The following PPP3CA variants were observed in gnomAD, a reference collection of about 807,000 sequenced individuals.
PPP3CA encodes the protein protein phosphatase 3 catalytic subunit alpha, also known as CAM-PRP catalytic subunit.
A neutral mutation model predicts 66.5 loss-of-function variants in PPP3CA; 14 were observed. The observed-to-expected ratio is 0.21, with a 90% confidence interval of 0.14 to 0.33. The LOEUF (loss-of-function observed/expected upper bound fraction) is 0.33. PPP3CA is among the 10% of genes least tolerant of loss of function. The pLI is 1.00. For missense variants in PPP3CA, 317 were observed against 639.5 expected (o/e 0.50, Z 5.44); for synonymous variants, 232 against 226.2 (o/e 1.03, Z -0.23).
intron 10 of PPP3CA, among the ~76,000 whole-genome samples, chr4:101,056,038 G>A (rs971060946): frequency 6.6e-6 from 1 of 151,958 alleles, no homozygotes; most frequent in Non-Finnish European, 1.5e-5. Flanking sequence ...CACACTGAAT[G>A]AACAAGATTT....
intron 1 of PPP3CA, among the ~76,000 whole-genome samples, chr4:101,247,550 G>A (rs13115754): frequency 3.4e-4 from 52 of 152,030 alleles, no homozygotes; most frequent in Non-Finnish European, 5.9e-5. Context: ...ACTAAACACA[G>A]TATGAGCATC....
chr4:101,289,201 A>T (rs1727942114), intron 1 of PPP3CA, among the ~76,000 whole-genome samples: 1 of 152,228 alleles, frequency 6.6e-6, no homozygotes, highest in Non-Finnish European at 1.5e-5. Context: ...TTTGCATTTT[A>T]TTTTGCACAT....
At chr4:101,277,530 T>C (rs1727540999) in intron 1 of PPP3CA, among the ~76,000 whole-genome samples, 1 of 152,232 alleles carries the variant, frequency 6.6e-6, no homozygotes. Context: ...TAATATAGTA[T>C]GCAAAAGTTT....
intron 2 of PPP3CA, among the ~76,000 whole-genome samples, chr4:101,112,199 AT>A (rs1412007586): frequency 6.6e-6 from 1 of 152,162 alleles, no homozygotes; most frequent in Non-Finnish European, 1.5e-5. Context: ...TGAAAAAAAA[AT>A]GTCTCTAGAC....
At chr4:101,178,417 A>C (rs900154228) in intron 2 of PPP3CA, among the ~76,000 whole-genome samples, 3 of 152,160 alleles carry the variant, frequency 2.0e-5, no homozygotes, top group African/African-American at 4.8e-5. Flanking sequence ...GCTCCAAAAA[A>C]GACTTACCTT....
At chr4:101,084,335 T>A (rs1194825650) in intron 6 of PPP3CA, among the ~76,000 whole-genome samples, 1 of 152,042 alleles carries the variant, frequency 6.6e-6, no homozygotes. Flanking sequence ...CAGGAAAAAA[T>A]TATCATTAAG....
intron 1 of PPP3CA, among the ~76,000 whole-genome samples, chr4:101,230,570 A>G (rs1725929075): frequency 6.6e-6 from 1 of 151,588 alleles, no homozygotes; most frequent in Non-Finnish European, 1.5e-5. Flanking sequence ...TAAATAAAAT[A>G]AAAAATGAAT....
chr4:101,181,628 T>C (rs1724238299), intron 2 of PPP3CA, among the ~76,000 whole-genome samples: 1 of 152,054 alleles, frequency 6.6e-6, no homozygotes, highest in Non-Finnish European at 1.5e-5. Flanking sequence ...CCACTATACT[T>C]TGCAGCCAGA....
chr4:101,293,648 G>C (rs1728101907), intron 1 of PPP3CA, among the ~76,000 whole-genome samples: 1 of 152,160 alleles, frequency 6.6e-6, no homozygotes, highest in Admixed American at 6.5e-5. Context: ...TTCCCCACCT[G>C]CATGTCTTCT....
chr4:101,154,808 A>ATTTT lies in PPP3CA; in HGVS notation c.259+41104_259+41107dup, dbSNP rs779695561. ...GCTTCAGAACACATTCACTCCCAGAATTTTTTTTTTTTTTTTTTTTTTTTT... is the reference window on the plus strand; with the variant it reads ...GCTTCAGAACACATTCACTCCCAGAATTTTTTTTTTTTTTTTTTTTTTTTTTTTT... On this transcript the variant is annotated intron_variant, in intron 2 of 13. Coordinates refer to ENST00000394854, the MANE Select transcript of PPP3CA (RefSeq NM_000944.5). 4.1e-3 allele frequency among the ~76,000 whole-genome samples: 367 copies of ATTTT among 90,582 alleles called. 42 individuals are homozygous for ATTTT. The highest frequency in any genetic ancestry group is 0.015 in the African/African-American group (299 of 19,578). The allele number at this position is 90,582 out of a possible 152,430, so 59.4% of individuals were successfully genotyped here.
intron 1 of PPP3CA, among the ~76,000 whole-genome samples, chr4:101,261,232 G>C (rs953830325): frequency 6.6e-6 from 1 of 152,074 alleles, no homozygotes; most frequent in African/African-American, 2.4e-5. Context: ...AAATGGTGGA[G>C]ATGAGACTCT....
intron 10 of PPP3CA, among the ~76,000 whole-genome samples, chr4:101,051,748 G>A (rs534821477): frequency 1.3e-5 from 2 of 152,096 alleles, no homozygotes; most frequent in African/African-American, 2.4e-5. Flanking sequence ...TTGCTTTCTC[G>A]AATAAATTTT....
intron 2 of PPP3CA, among the ~76,000 whole-genome samples, chr4:101,114,080 G>A (rs1270763391): frequency 6.6e-6 from 1 of 152,002 alleles, no homozygotes; most frequent in Admixed American, 6.6e-5. Context: ...GCTGGTGGGT[G>A]GGGTACCCAA....
chr4:101,280,326 A>C (rs2110277065), intron 1 of PPP3CA, among the ~76,000 whole-genome samples: 2 of 152,316 alleles, frequency 1.3e-5, no homozygotes, highest in Middle Eastern at 6.8e-3. Context: ...GTAATAGCAA[A>C]TATAAAGGCC....
chr4:101,250,239 G>A (rs986437772), intron 1 of PPP3CA: 6 of 390,894 alleles, frequency 1.5e-5, no homozygotes, highest in Admixed American at 8.8e-5. Flanking sequence ...TCAAGGTCAC[G>A]CAGTGTGGTG....
chr4:101,342,658 G>A (rs537540742), intron 1 of PPP3CA, among the ~76,000 whole-genome samples: 1 of 152,118 alleles, frequency 6.6e-6, no homozygotes, highest in East Asian at 1.9e-4. Context: ...TCATGATATT[G>A]AATTAATAAA....
chr4:101,293,228 T>G (rs917918980), intron 1 of PPP3CA, among the ~76,000 whole-genome samples: 1 of 152,148 alleles, frequency 6.6e-6, no homozygotes, highest in Non-Finnish European at 1.5e-5. Flanking sequence ...CTCCTACCCT[T>G]CGTTTTCTCC....
chr4:101,213,180 T>A (rs1334248415), intron 1 of PPP3CA, among the ~76,000 whole-genome samples: 2 of 152,156 alleles, frequency 1.3e-5, no homozygotes, highest in African/African-American at 4.8e-5. Flanking sequence ...TGATAGTTTT[T>A]TTAAGGAAAG....
chr4:101,068,553 C>T (rs62305885), intron 8 of PPP3CA, among the ~76,000 whole-genome samples: 26,664 of 151,898 alleles, frequency 0.18, 2,599 homozygotes, highest in Middle Eastern at 0.3. Flanking sequence ...TTTGGGGGTA[C>T]AATTTTCATT....
Sources: gnomAD v4.1 joint callset for allele counts (sites outside exome capture counted in the v4.1 genomes callset) on GRCh38, gnomAD v4.1.1 for gene constraint, MANE v1.5 for transcripts, NCBI Gene and HGNC (gene_info 2026-07-23, HGNC 2026-07-21) for gene names.